HDAC7: variants seen among roughly 807,000 people sequenced by gnomAD.
HDAC7 encodes the protein histone deacetylase 7, also known as histone deacetylase 7A.
Under a neutral mutation model 115.5 loss-of-function variants are expected in HDAC7, and 26 were observed. The observed-to-expected ratio is 0.23, with a 90% confidence interval of 0.16 to 0.31. The LOEUF (loss-of-function observed/expected upper bound fraction) is 0.31. Ranked by LOEUF, HDAC7 falls within the 10% of genes least tolerant of loss-of-function variation. HDAC7 has a pLI of 1.00. For synonymous variants in HDAC7, 564 were observed against 550.9 expected, an observed-to-expected ratio of 1.02 and a Z score of -0.33; for missense variants, 1,068 against 1,329.0, an observed-to-expected ratio of 0.80 and a Z score of 3.05.
At position 47,802,294 on chromosome 12, in the gene HDAC7, G is replaced by T. The variant is rs1447398278; in HGVS notation, c.20-20C>A. 1.2e-6 allele frequency: 2 copies of T among 1,612,634 alleles called. No individual in the cohort carries two copies. The highest frequency in any genetic ancestry group is 2.7e-5 in the African/African-American group (2 of 74,874). On this transcript the variant is annotated intron_variant, in intron 1 of 25. Transcript: ENST00000080059. ...TCCCATCTGTAGAGAGAGAGACGGAGTGAAAGAGCTGCAGGGAGGGGTGAG... is the reference window on the plus strand; with the variant it reads ...TCCCATCTGTAGAGAGAGAGACGGATTGAAAGAGCTGCAGGGAGGGGTGAG...
chr12:47,803,469 C>G lies in HDAC7; in HGVS notation c.20-1195G>C, dbSNP rs1418070731. ...AGACTCCCACCGACTGCCCCTCAAA[C>G]CAGCCCATGCTTTGGGTAACAAAGT... On this transcript the variant is annotated intron_variant, in intron 1 of 25. Transcript: ENST00000080059. This position sits in a 1 kb window ranked among gnomAD's most constrained non-coding sequence, Gnocchi z 4.0. 6.6e-6 allele frequency among the ~76,000 whole-genome samples: 1 copy of G among 152,202 alleles called. No individual in the cohort carries two copies. The highest frequency in any genetic ancestry group is 1.5e-5 in the Non-Finnish European group (1 of 68,030).
chr12:47,791,801 G>GGCCCCCCCCCC, intron 14 of HDAC7, 70 bp downstream of exon 14: 3 of 1,511,056 alleles, frequency 2.0e-6, no homozygotes, highest in Non-Finnish European at 2.7e-6. Context: ...GGGCCCCAGG[G>GGCCCCCCCCCC]CCCCCCACCC....
intron 18 of HDAC7, 43 bp from the exon 19 acceptor site, chr12:47,789,391 G>T: frequency 1.3e-6 from 2 of 1,579,012 alleles, no homozygotes; most frequent in Non-Finnish European, 1.7e-6. Flanking sequence ...CTCTCCACAT[G>T]CCCTCACCTC....
chr12:47,795,161 C>A lies in HDAC7; in HGVS notation c.1284+23G>T. Reference sequence around the variant, plus strand: ...CCCCAGTTAAACACTCCCTCAATACCTCCACTGCCCAATTCCTCTCACCTT... The same window carrying A: ...CCCCAGTTAAACACTCCCTCAATACATCCACTGCCCAATTCCTCTCACCTT... On this transcript the variant is annotated intron_variant, in intron 11 of 25. Coordinates refer to ENST00000080059, the MANE Select transcript of HDAC7 (RefSeq NM_015401.5). This position sits in a 1 kb window ranked among gnomAD's most constrained non-coding sequence, Gnocchi z 4.3. 1 of 1,592,332 alleles carries A rather than the reference C, an allele frequency of 6.3e-7. No individual in the cohort carries two copies. Among genetic ancestry groups the A allele is most frequent in the Non-Finnish European group, 8.6e-7 (1 of 1,163,990 alleles).
intron 14 of HDAC7, 70 bp downstream of exon 14, chr12:47,791,801 G>GGGCC: frequency 1.3e-6 from 2 of 1,511,074 alleles, no homozygotes; most frequent in Non-Finnish European, 1.8e-6. Context: ...GGGCCCCAGG[G>GGGCC]CCCCCCACCC....
chr12:47,793,469 G>T lies in HDAC7; in HGVS notation c.1578C>A (p.Ser526=). 6.4e-7 allele frequency: 1 copy of T among 1,553,766 alleles called. No individual in the cohort carries two copies. The highest frequency in any genetic ancestry group is 1.8e-4 in the Middle Eastern group (1 of 5,546). The part of the protein sequence containing the change: ...GHRPLSRAQS[S]PAAPASLSAP... ...CTGACAGTGAGGCAGGTGCGGCTGGGGAAGACTGAGCCCGGGACAGAGGCC... is the reference window on the plus strand; with the variant it reads ...CTGACAGTGAGGCAGGTGCGGCTGGTGAAGACTGAGCCCGGGACAGAGGCC... Residue 526 remains serine, a synonymous_variant, in exon 13 of 26, where the codon TCC becomes TCA. Transcript: ENST00000080059. The surrounding 1 kb of genome is among the most constrained non-coding windows in gnomAD (Gnocchi z 4.5).
chr12:47,793,353 CT>C lies in HDAC7; in HGVS notation c.1678+15del. On this transcript the variant is annotated intron_variant, in intron 13 of 25. Transcript: ENST00000080059. The surrounding 1 kb of genome is among the most constrained non-coding windows in gnomAD (Gnocchi z 4.5). ...CGAGCCCCTCCCTCCACCCGCCACC[CT>C]CCTCCCGGTCTCACCTGTGGTGAAG... 1 of 1,485,722 alleles carries C rather than the reference CT, an allele frequency of 6.7e-7. No homozygotes were observed. Among genetic ancestry groups the C allele is most frequent in the Non-Finnish European group, 9.0e-7 (1 of 1,106,438 alleles). 92.0% of individuals were successfully genotyped at this position (1,485,722 alleles called of 1,614,324 possible).
chr12:47,809,719 C>A (rs1338123052), intron 1 of HDAC7, among the ~76,000 whole-genome samples: 1 of 146,598 alleles, frequency 6.8e-6, no homozygotes, highest in Non-Finnish European at 1.5e-5. Flanking sequence ...TACAGGCGTG[C>A]GCCAACATGC....
At chr12:47,791,134 TG>T in intron 16 of HDAC7, 124 bp downstream of exon 16, 1 of 949,478 alleles carries the variant, frequency 1.1e-6, no homozygotes, top group Non-Finnish European at 1.7e-6. Flanking sequence ...AGGAAGTCCC[TG>T]GCTCACCCTG....
At chr12:47,806,122 T>A (rs1193694237) in intron 1 of HDAC7, among the ~76,000 whole-genome samples, 1 of 152,254 alleles carries the variant, frequency 6.6e-6, no homozygotes, top group Non-Finnish European at 1.5e-5. Flanking sequence ...TCTATACTGC[T>A]CATTGATTGG....
At chr12:47,787,624 A>G in intron 21 of HDAC7, 88 bp downstream of exon 21, 1 of 861,110 alleles carries the variant, frequency 1.2e-6, no homozygotes, top group East Asian at 2.7e-5. Flanking sequence ...ACAGGCTGAC[A>G]ATCCAACTGA....
chr12:47,789,784 T>G (rs1204980986), intron 17 of HDAC7, 29 bp downstream of exon 17: 3 of 1,552,960 alleles, frequency 1.9e-6, no homozygotes, highest in South Asian at 1.1e-5. Context: ...TCCTTTGTGG[T>G]GTGTCCACCT....
chr12:47,789,221 A>C, intron 19 of HDAC7, 40 bp downstream of exon 19: 3 of 1,474,790 alleles, frequency 2.0e-6, no homozygotes, highest in Non-Finnish European at 2.8e-6. Flanking sequence ...CTTTTCCCCC[A>C]GGGCTCTCGA....
chr12:47,793,206 A>C lies in HDAC7; in HGVS notation c.1678+163T>G. On this transcript the variant is annotated intron_variant, in intron 13 of 25. Coordinates refer to ENST00000080059, the MANE Select transcript of HDAC7 (RefSeq NM_015401.5). The surrounding 1 kb of genome is among the most constrained non-coding windows in gnomAD (Gnocchi z 4.5). ...GTGAGCCTTGGTCCTCATCGGCCAAATGCAATAACCAGCTGTTCCATGTGC... is the reference window on the plus strand; with the variant it reads ...GTGAGCCTTGGTCCTCATCGGCCAACTGCAATAACCAGCTGTTCCATGTGC... 1.7e-6 allele frequency: 1 copy of C among 573,056 alleles called. No homozygotes were observed. The highest frequency in any genetic ancestry group is 3.0e-6 in the Non-Finnish European group (1 of 334,396). 35.5% of individuals were successfully genotyped at this position (573,056 alleles called of 1,614,324 possible).
At position 47,787,747 on chromosome 12, in the gene HDAC7, G is replaced by A. The variant is rs1943250053; in HGVS notation, c.2418C>T (p.Pro806=). 2 of 1,612,628 alleles carry A rather than the reference G, an allele frequency of 1.2e-6. No homozygotes were observed. Among genetic ancestry groups the A allele is most frequent in the African/African-American group, 2.7e-5 (2 of 75,034 alleles). Residue 806 remains proline, a synonymous_variant, in exon 21 of 26, where the codon CCC becomes CCT. Transcript: ENST00000080059. The part of the protein sequence containing the change: ...VNVAWAGGLD[P]PMGDPEYLAA... ...CCAGGTACTCAGGATCCCCCATGGG[G>A]GGGTCCAGACCTCCAGCCCAGGCCA...
At chr12:47,789,210 G>T in intron 19 of HDAC7, 51 bp downstream of exon 19, 1 of 1,382,246 alleles carries the variant, frequency 7.2e-7, no homozygotes, top group Non-Finnish European at 1.0e-6. Flanking sequence ...CAGGCTCAGG[G>T]CTTTTCCCCC....
Position 47,792,439 on chromosome 12 carries a change from C to T in HDAC7, c.1679-435G>A, listed in dbSNP as rs191340575. On this transcript the variant is annotated intron_variant, in intron 13 of 25. Coordinates refer to ENST00000080059, the MANE Select transcript of HDAC7 (RefSeq NM_015401.5). Reference sequence around the variant, plus strand: ...AGGGGCAGCAGGAGGGAAAAGAATTCCTAGGAAACCCCCAAACCGGGAGCT... The same window carrying T: ...AGGGGCAGCAGGAGGGAAAAGAATTTCTAGGAAACCCCCAAACCGGGAGCT... 5.1e-3 allele frequency: 1,730 copies of T among 340,230 alleles called. 5 individuals are homozygous for T. Among genetic ancestry groups the T allele is most frequent in the Non-Finnish European group, 6.2e-3 (1,078 of 172,554 alleles). The allele number at this position is 340,230 out of a possible 1,614,324, so 21.1% of individuals were successfully genotyped here. A position where few individuals can be genotyped will look rare whatever the true frequency, so the allele number is the denominator to read the frequency against.
chr12:47,820,997 G>C (rs1004953491), upstream of HDAC7, among the ~76,000 whole-genome samples: 1 of 152,212 alleles, frequency 6.6e-6, no homozygotes, highest in Non-Finnish European at 1.5e-5. This position sits in a 1 kb window ranked among gnomAD's most constrained non-coding sequence, Gnocchi z 4.3. Context: ...CCGGTCAGCC[G>C]TGTCTGCCTC....
At position 47,803,108 on chromosome 12, in the gene HDAC7, C is replaced by T. The variant is rs1316266365; in HGVS notation, c.20-834G>A. Among the ~76,000 whole-genome samples, 1 of 152,148 alleles carries T rather than the reference C, an allele frequency of 6.6e-6. No individual in the cohort carries two copies. On this transcript the variant is annotated intron_variant, in intron 1 of 25. Transcript: ENST00000080059. This position sits in a 1 kb window ranked among gnomAD's most constrained non-coding sequence, Gnocchi z 4.0. ...CCCAAGCTGGTCAGCAGCAGAAAGC[C>T]CCCAGGGGACATGGAGGCCAGCTGG...
Sources: gnomAD v4.1 joint callset for allele counts (sites outside exome capture counted in the v4.1 genomes callset) on GRCh38, gnomAD v4.1.1 for gene constraint, Gnocchi (gnomAD v3.1) non-coding constraint, MANE v1.5 for transcripts, NCBI Gene and HGNC (gene_info 2026-07-23, HGNC 2026-07-21) for gene names.